Variants in CEP63 observed in about 807,000 individuals in gnomAD.
CEP63 encodes centrosomal protein 63.
Under a neutral mutation model 89.1 loss-of-function variants are expected in CEP63, and 84 were observed. The observed-to-expected ratio is 0.94, with a 90% CI of 0.79 to 1.13. The LOEUF is 1.13. Among genes scored for constraint, CEP63 ranks in the 50% most tolerant of loss-of-function variants. The pLI, the probability that CEP63 is intolerant of heterozygous loss-of-function variation, is 0.00. For synonymous variants in CEP63, 267 were observed against 272.5 expected (o/e 0.98, Z 0.20); for missense variants, 838 against 813.3 (o/e 1.03, Z -0.37).
chr3:134,699,024 T>G, the CEP63 span, among the ~76,000 whole-genome samples: 2 of 152,164 alleles, frequency 1.3e-5, no homozygotes, highest in East Asian at 3.9e-4. Flanking sequence ...TGGAGAGGGC[T>G]GAGTGGGCTT....
At chr3:134,507,011 T>C in intron 2 of CEP63, 98 bp from the exon 3 acceptor site, 1 of 801,072 alleles carries the variant, frequency 1.2e-6, no homozygotes, top group Non-Finnish European at 2.2e-6. Context: ...AATTATTTAC[T>C]TCAGGTAGAT....
chr3:134,574,818 G>T, exon 12 of CEP63: 1 of 624,192 alleles, frequency 1.6e-6, no homozygotes, highest in Non-Finnish European at 2.9e-6. Flanking sequence ...ATGTTGTCCA[G>T]TCTGGTTTTG....
chr3:134,693,553 T>G, the CEP63 span, among the ~76,000 whole-genome samples: 5 of 152,338 alleles, frequency 3.3e-5, no homozygotes, highest in South Asian at 1.0e-3. Context: ...TTTTCTTCAT[T>G]GGATAGAAAG....
the CEP63 span, among the ~76,000 whole-genome samples, chr3:134,684,523 C>T: frequency 5.9e-5 from 9 of 152,336 alleles, no homozygotes; most frequent in South Asian, 2.1e-4. Flanking sequence ...ATCGCAAGGA[C>T]GCTTTCCTGC....
intron 3 of CEP63, among the ~76,000 whole-genome samples, chr3:134,529,414 C>G (rs1949411098): frequency 6.8e-6 from 1 of 146,952 alleles, no homozygotes; most frequent in African/African-American, 2.5e-5. Context: ...CATCTCAGCT[C>G]AGTGCAACCT....
the CEP63 span, among the ~76,000 whole-genome samples, chr3:134,749,425 C>T: frequency 6.6e-6 from 1 of 151,978 alleles, no homozygotes; most frequent in Non-Finnish European, 1.5e-5. Flanking sequence ...CTGTTGCTTG[C>T]TGCAATGATT....
the CEP63 span, among the ~76,000 whole-genome samples, chr3:134,593,493 C>T: frequency 6.6e-6 from 1 of 152,130 alleles, no homozygotes; most frequent in African/African-American, 2.4e-5. Context: ...AGGAATCAGG[C>T]GGTCAGCTCC....
At chr3:134,772,460 G>T in the CEP63 span, among the ~76,000 whole-genome samples, 1 of 152,086 alleles carries the variant, frequency 6.6e-6, no homozygotes, top group Non-Finnish European at 1.5e-5. Context: ...GCCAGGCAAG[G>T]CTTCTTGCTT....
the CEP63 span, among the ~76,000 whole-genome samples, chr3:134,634,480 A>C: frequency 6.6e-6 from 1 of 152,250 alleles, no homozygotes; most frequent in South Asian, 2.1e-4. Flanking sequence ...GTGCAAAGAC[A>C]ATTCAGTTGG....
the CEP63 span, among the ~76,000 whole-genome samples, chr3:134,685,152 A>G: frequency 2.6e-4 from 40 of 152,374 alleles, no homozygotes; most frequent in Non-Finnish European, 4.7e-4. Context: ...TAACCTAAAC[A>G]TCATGTATAA....
At chr3:134,702,170 C>T in the CEP63 span, among the ~76,000 whole-genome samples, 3 of 152,090 alleles carry the variant, frequency 2.0e-5, no homozygotes, top group African/African-American at 7.2e-5. Flanking sequence ...AAGTGAAGGA[C>T]CTCTTCTGGG....
the CEP63 span, among the ~76,000 whole-genome samples, chr3:134,649,466 T>C: frequency 6.6e-6 from 1 of 152,234 alleles, no homozygotes; most frequent in South Asian, 2.1e-4. Context: ...GGAGAAGGCA[T>C]TCTGGACTGT....
At chr3:134,686,447 AG>A in the CEP63 span, among the ~76,000 whole-genome samples, 1 of 152,226 alleles carries the variant, frequency 6.6e-6, no homozygotes, top group South Asian at 2.1e-4. Context: ...TAGGGTCAGC[AG>A]GCTGAGGTAC....
intron 3 of CEP63, among the ~76,000 whole-genome samples, chr3:134,524,297 G>A (rs1443843748): frequency 2.0e-5 from 3 of 152,046 alleles, no homozygotes; most frequent in African/African-American, 7.2e-5. Flanking sequence ...TGAAACTATG[G>A]GGTTTTCTAG....
At chr3:134,757,206 G>A in the CEP63 span, among the ~76,000 whole-genome samples, 1 of 152,196 alleles carries the variant, frequency 6.6e-6, no homozygotes, top group Non-Finnish European at 1.5e-5. Context: ...CATCCTTAGG[G>A]CAAAACTGGA....
chr3:134,736,743 A>T, the CEP63 span, among the ~76,000 whole-genome samples: 1 of 152,208 alleles, frequency 6.6e-6, no homozygotes, highest in African/African-American at 2.4e-5. Flanking sequence ...AAAGGATTCT[A>T]TAAATCAGAA....
chr3:134,660,758 C>G, the CEP63 span, among the ~76,000 whole-genome samples: 1 of 152,148 alleles, frequency 6.6e-6, no homozygotes, highest in Admixed American at 6.5e-5. Flanking sequence ...GCAAAGCAGA[C>G]TGGGAAGTGA....
At chr3:134,644,828 C>G in the CEP63 span, among the ~76,000 whole-genome samples, 5 of 152,250 alleles carry the variant, frequency 3.3e-5, no homozygotes, top group Admixed American at 6.5e-5. Context: ...CCTCCTCCAG[C>G]CTTCTCCTAT....
chr3:134,556,204 A>C (rs954485082), intron 12 of CEP63, among the ~76,000 whole-genome samples: 4 of 151,460 alleles, frequency 2.6e-5, no homozygotes, highest in Admixed American at 6.6e-5. Flanking sequence ...CATTCAGGAC[A>C]TAGGCATGGG....
Sources: allele counts gnomAD v4.1 joint callset (sites outside exome capture counted in the v4.1 genomes callset), GRCh38; gene constraint gnomAD v4.1.1; transcripts MANE v1.5; gene names NCBI Gene and HGNC (gene_info 2026-07-23, HGNC 2026-07-21).